ZFAT: variants seen among roughly 807,000 people sequenced by gnomAD.
ZFAT encodes the protein zinc finger protein ZFAT.
A neutral mutation model predicts 117.7 loss-of-function variants in ZFAT; 64 were observed. That is an observed-to-expected ratio of 0.54 (90% confidence interval 0.44 to 0.67). The LOEUF (loss-of-function observed/expected upper bound fraction) is 0.67. Ranked by LOEUF, ZFAT falls within the 30% of genes least tolerant of loss-of-function variation. The pLI is 0.00. For missense variants in ZFAT, 1,433 were observed against 1,584.5 expected, an observed-to-expected ratio of 0.90 and a Z score of 1.62; for synonymous variants, 679 against 615.0, an observed-to-expected ratio of 1.10 and a Z score of -1.54.
intron 15 of ZFAT, among the ~76,000 whole-genome samples, chr8:134,499,601 A>G (rs1563777346): frequency 6.6e-6 from 1 of 150,604 alleles, no homozygotes; most frequent in Non-Finnish European, 1.5e-5. Flanking sequence ...TTACACACAG[A>G]GCCTGATTTG....
the ZFAT span, among the ~76,000 whole-genome samples, chr8:134,741,230 G>A: frequency 6.6e-6 from 1 of 151,152 alleles, no homozygotes; most frequent in African/African-American, 2.4e-5. Flanking sequence ...CATAGACAAA[G>A]TTCTTGAAAG....
At chr8:134,761,212 C>G in the ZFAT span, among the ~76,000 whole-genome samples, 1 of 152,136 alleles carries the variant, frequency 6.6e-6, no homozygotes, top group Non-Finnish European at 1.5e-5. Context: ...GTGGGCTGAG[C>G]ACTGCATGAG....
At chr8:134,825,747 G>A in the ZFAT span, among the ~76,000 whole-genome samples, 1 of 152,224 alleles carries the variant, frequency 6.6e-6, no homozygotes, top group South Asian at 2.1e-4. Flanking sequence ...CAGGCTGGGC[G>A]CGGTGGCTCA....
chr8:134,709,455 C>T (rs1813906474), intron 1 of ZFAT, among the ~76,000 whole-genome samples: 2 of 152,226 alleles, frequency 1.3e-5, no homozygotes, highest in Admixed American at 6.5e-5. Context: ...AGCCAGAGCA[C>T]GTGCTCTTTC....
At chr8:134,632,846 CA>C (rs950767701) in intron 3 of ZFAT, among the ~76,000 whole-genome samples, 28 of 152,058 alleles carry the variant, frequency 1.8e-4, no homozygotes, top group African/African-American at 6.5e-4. Flanking sequence ...CCCAATCACA[CA>C]AAAAAACACA....
At chr8:134,749,916 T>G in the ZFAT span, among the ~76,000 whole-genome samples, 1 of 152,166 alleles carries the variant, frequency 6.6e-6, no homozygotes, top group South Asian at 2.1e-4. Context: ...TACCACATCA[T>G]CTTGATAACT....
rs751872126 is a variant in ZFAT, at chr8:134,601,722, C to G, written c.1997G>C (p.Gly666Ala). The G allele has an allele frequency of 1.2e-6, 2 of 1,612,844 alleles. No individual in the cohort carries two copies. The highest frequency in any genetic ancestry group is 1.3e-5 in the African/African-American group (1 of 74,906). ...EGQNMAVLSA[G>A]DPDPSRCLRS... is the part of the protein sequence containing the mutation. ...GAGACACCTGCTGGGATCTGGGTCA[C>G]CAGCTGAAAGCACAGCCATGTTCTG... Residue 666 changes from glycine (G) to alanine (A), a missense_variant, in exon 6 of 16, where the codon GGT (glycine) becomes GCT (alanine). Around this residue, in one of 5 missense-constraint regions of ZFAT, gnomAD observed 372 missense variants for 355.6 expected, o/e 1.05. Coordinates refer to ENST00000377838, the MANE Select transcript of ZFAT (RefSeq NM_020863.4).
At chr8:134,717,583 A>G (rs1185789308), upstream of ZFAT, among the ~76,000 whole-genome samples, 9 of 141,904 alleles carry the variant, frequency 6.3e-5, no homozygotes, top group Non-Finnish European at 1.4e-4. Context: ...TCCTGGGTTC[A>G]TGCCATTCTC....
chr8:134,502,849 C>T (rs1410080961), intron 15 of ZFAT, among the ~76,000 whole-genome samples: 3 of 152,242 alleles, frequency 2.0e-5, no homozygotes, highest in African/African-American at 2.4e-5. Context: ...GCCCATGGGT[C>T]TGAGGCAGTC....
chr8:134,765,676 C>A, the ZFAT span: 3 of 151,278 alleles, frequency 2.0e-5, no homozygotes, highest in Non-Finnish European at 4.4e-5. Flanking sequence ...ATTCCCAATA[C>A]TTTACCACCA....
upstream of ZFAT, among the ~76,000 whole-genome samples, chr8:134,715,536 C>T (rs1186814095): frequency 1.3e-5 from 2 of 152,228 alleles, no homozygotes; most frequent in Admixed American, 6.5e-5. Flanking sequence ...GTGATTTGCA[C>T]ATTTTCAATC....
chr8:134,485,195 C>T (rs938938129), intron 15 of ZFAT, among the ~76,000 whole-genome samples: 1 of 152,170 alleles, frequency 6.6e-6, no homozygotes, highest in African/African-American at 2.4e-5. Flanking sequence ...TCTGCCCACC[C>T]ACTGGGTCCT....
chr8:134,706,378 C>G (rs1834152666), intron 1 of ZFAT, among the ~76,000 whole-genome samples: 1 of 152,156 alleles, frequency 6.6e-6, no homozygotes, highest in Non-Finnish European at 1.5e-5. Context: ...AGAAGAAACT[C>G]ATCTATGGTG....
Position 134,674,472 on chromosome 8 carries a change from A to G in ZFAT, c.20-16735T>C, listed in dbSNP as rs567220437. Among the ~76,000 whole-genome samples the G allele has an allele frequency of 2.0e-5, 3 of 152,326 alleles. No homozygotes were observed. In the East Asian group the frequency reaches 5.8e-4, roughly 29 times the overall value. On this transcript the variant is annotated intron_variant, in intron 1 of 15. Coordinates refer to ENST00000377838, the MANE Select transcript of ZFAT (RefSeq NM_020863.4). The stretch of plus-strand genomic sequence containing the variant: ...GCGGTTTTACCCTCACAGTGTAACA[A>G]AAGCTGCCAGGAAGTTCGAACTGCA...
intron 10 of ZFAT, among the ~76,000 whole-genome samples, chr8:134,575,508 C>T (rs1825234827): frequency 6.6e-6 from 1 of 152,230 alleles, no homozygotes; most frequent in Non-Finnish European, 1.5e-5. Context: ...GCCAGGCTGA[C>T]ACCTTGATTT....
intron 10 of ZFAT, among the ~76,000 whole-genome samples, chr8:134,581,745 C>A (rs1825725933): frequency 6.6e-6 from 1 of 152,108 alleles, no homozygotes; most frequent in African/African-American, 2.4e-5. Flanking sequence ...CCACCATGCC[C>A]CGTTAATTTT....
At chr8:134,644,816 CAT>C (rs1353053689) in intron 2 of ZFAT, among the ~76,000 whole-genome samples, 2 of 152,042 alleles carry the variant, frequency 1.3e-5, no homozygotes, top group African/African-American at 2.4e-5. Context: ...CGCATGCGCA[CAT>C]ATACAGTATC....
chr8:134,804,929 G>A, the ZFAT span: 1 of 533,726 alleles, frequency 1.9e-6, no homozygotes, highest in Non-Finnish European at 3.9e-6. Context: ...CTTCCAGTCG[G>A]GGATGTTTAC....
intron 1 of ZFAT, among the ~76,000 whole-genome samples, chr8:134,670,017 A>C (rs1832472007): frequency 6.6e-6 from 1 of 152,264 alleles, no homozygotes; most frequent in Non-Finnish European, 1.5e-5. Context: ...GCCAGTACAT[A>C]ATGGTAAAGG....
Sources: gnomAD v4.1 joint callset for allele counts (sites outside exome capture counted in the v4.1 genomes callset) on GRCh38, gnomAD v4.1.1 for gene constraint, gnomAD v4.1.1 regional missense constraint, MANE v1.5 for transcripts, NCBI Gene and HGNC (gene_info 2026-07-23, HGNC 2026-07-21) for gene names.